The following COL4A6 variants were observed in gnomAD, a reference collection of about 807,000 sequenced individuals.
The protein encoded by COL4A6 is collagen type IV alpha 6 chain, also known as collagen alpha-6(IV) chain.
A neutral mutation model predicts 126.7 loss-of-function variants in COL4A6; 59 were observed. The observed-to-expected ratio is 0.47, with a 90% CI of 0.38 to 0.58. The LOEUF is 0.58. Among genes scored for constraint, COL4A6 ranks in the 20% least tolerant of loss-of-function variants. The pLI, the probability that COL4A6 is intolerant of heterozygous loss-of-function variation, is 0.00. For missense variants in COL4A6, 1,285 were observed against 1,337.3 expected, an observed-to-expected ratio of 0.96 and a Z score of 0.61; for synonymous variants, 547 against 496.6, an observed-to-expected ratio of 1.10 and a Z score of -1.35.
chrX:108,285,127 G>A (rs1208581760), intron 3 of COL4A6, among the ~76,000 whole-genome samples: 1 of 111,761 alleles, frequency 8.9e-6, no homozygotes, highest in African/African-American at 3.3e-5. Flanking sequence ...TGCCCAGTGG[G>A]AAATCAAATC....
At chrX:108,179,174 G>A in intron 26 of COL4A6, 43 bp downstream of exon 26, 6 of 1,125,937 alleles carry the variant, frequency 5.3e-6, no homozygotes, top group South Asian at 1.9e-5. Context: ...ATTAATATAA[G>A]GCTTTCTGTA....
chrX:108,229,395 A>G (rs776570204), intron 3 of COL4A6, among the ~76,000 whole-genome samples: 2 of 112,158 alleles, frequency 1.8e-5, no homozygotes, highest in Non-Finnish European at 3.8e-5. Context: ...CTAAGTAAGA[A>G]AATTCGAGTA....
intron 2 of COL4A6, among the ~76,000 whole-genome samples, chrX:108,364,249 A>G (rs755543799): frequency 1.8e-5 from 2 of 109,976 alleles, no homozygotes; most frequent in Non-Finnish European, 3.8e-5. Flanking sequence ...AGAACCTTTT[A>G]TCTCCTTCCA....
At chrX:108,408,412 C>T (rs2041254893) in intron 2 of COL4A6, among the ~76,000 whole-genome samples, 1 of 111,601 alleles carries the variant, frequency 9.0e-6, no homozygotes, top group Non-Finnish European at 1.9e-5. Context: ...TACCAGTCCA[C>T]ACAATTTTTT....
At chrX:108,165,909 C>G (rs917028553) in intron 37 of COL4A6, among the ~76,000 whole-genome samples, 1 of 112,743 alleles carries the variant, frequency 8.9e-6, no homozygotes, top group African/African-American at 3.2e-5. Flanking sequence ...GGTTACAGAA[C>G]GTAGGCCACA....
In COL4A6 at chrX:108,391,975, C is replaced by T. The variant is rs5973868; in HGVS notation, c.63+45967G>A. On this transcript the variant is annotated intron_variant, in intron 2 of 44. Coordinates refer to ENST00000334504, the MANE Select transcript of COL4A6 (RefSeq NM_033641.4). ...TGTTCGGCCATCTTGCCAGCTCTCC[C>T]GCCTCAGTTGATTTTTAACAAAGGT... is the stretch of plus-strand genomic sequence containing the variant. 5.0e-3 allele frequency among the ~76,000 whole-genome samples: 562 copies of T among 112,156 alleles called. 3 individuals are homozygous for T. The highest frequency in any genetic ancestry group is 0.016 in the African/African-American group (509 of 30,900).
chrX:108,157,589 C>A (rs1054879608), intron 44 of COL4A6, among the ~76,000 whole-genome samples: 1 of 111,370 alleles, frequency 9.0e-6, no homozygotes, highest in Non-Finnish European at 1.9e-5. Context: ...GTGTTAGGTA[C>A]CCCCTTGCAA....
intron 20 of COL4A6, among the ~76,000 whole-genome samples, 157 bp from the exon 21 acceptor site, chrX:108,188,834 A>T (rs2034952796): frequency 1.8e-5 from 2 of 112,228 alleles, no homozygotes; most frequent in Admixed American, 1.9e-4. Context: ...TCTCCAGCAG[A>T]GTATGTCTGT....
chrX:108,346,030 G>C (rs1366813007), intron 2 of COL4A6, among the ~76,000 whole-genome samples: 1 of 111,176 alleles, frequency 9.0e-6, no homozygotes, highest in African/African-American at 3.3e-5. Flanking sequence ...AGCAACACAA[G>C]AGGGGAAACC....
At chrX:108,188,492 A>C (rs1362057640) in intron 21 of COL4A6, 25 bp downstream of exon 21, 1 of 1,083,482 alleles carries the variant, frequency 9.2e-7, no homozygotes, top group African/African-American at 1.9e-5. Context: ...TTGCTTCCTC[A>C]GGGTCAAAGT....
intron 2 of COL4A6, among the ~76,000 whole-genome samples, chrX:108,389,432 A>T (rs1161572095): frequency 3.6e-5 from 4 of 111,223 alleles, no homozygotes; most frequent in Non-Finnish European, 7.5e-5. Flanking sequence ...TAGGATAGTT[A>T]CCTCTTCTTT....
At chrX:108,270,945 C>T (rs1236392931) in intron 3 of COL4A6, among the ~76,000 whole-genome samples, 1 of 111,764 alleles carries the variant, frequency 8.9e-6, no homozygotes, top group African/African-American at 3.3e-5. Context: ...CCTGTTCAGG[C>T]ACTTGAGAAA....
intron 31 of COL4A6, 116 bp downstream of exon 31, chrX:108,174,324 T>C (rs1358009691): frequency 2.7e-6 from 2 of 730,380 alleles, no homozygotes; most frequent in Non-Finnish European, 4.1e-6. Context: ...TCTGAGGATG[T>C]CCTGGGAGAA....
chrX:108,160,917 A>ATTGAAAATGTACT (rs1265555292), intron 42 of COL4A6, among the ~76,000 whole-genome samples: 1 of 111,949 alleles, frequency 8.9e-6, no homozygotes, highest in African/African-American at 3.3e-5. Flanking sequence ...TTCAAAGTAC[A>ATTGAAAATGTACT]TTGTTAGGCT....
chrX:108,283,180 G>A lies in COL4A6; in HGVS notation c.144+27568C>T, dbSNP rs1039537046. Among the ~76,000 whole-genome samples, 185 of 110,968 alleles carry A rather than the reference G, an allele frequency of 1.7e-3. 1 individual carries two copies. The highest frequency in any genetic ancestry group is 2.3e-3 in the Non-Finnish European group (124 of 52,848). On this transcript the variant is annotated intron_variant, in intron 3 of 44. Transcript: ENST00000334504. Reference sequence around the variant, plus strand: ...AAATAAAATAAAAAAATAAAAAAAAGAAAGGTATAGAGGCAAGAAGGGCAG... The same window carrying A: ...AAATAAAATAAAAAAATAAAAAAAAAAAAGGTATAGAGGCAAGAAGGGCAG...
chrX:108,196,121 C>T (rs971005813), intron 14 of COL4A6, among the ~76,000 whole-genome samples: 3 of 111,397 alleles, frequency 2.7e-5, no homozygotes, highest in Non-Finnish European at 5.7e-5. Flanking sequence ...TGCACTTGGC[C>T]CTCTTTCTTC....
chrX:108,273,720 T>C (rs995767254), intron 3 of COL4A6, among the ~76,000 whole-genome samples: 1 of 111,951 alleles, frequency 8.9e-6, no homozygotes, highest in African/African-American at 3.2e-5. Flanking sequence ...TTAAAAGTGT[T>C]TCTAGGTGAT....
chrX:108,315,634 G>T (rs780027350), intron 2 of COL4A6, among the ~76,000 whole-genome samples: 4 of 111,684 alleles, frequency 3.6e-5, no homozygotes, highest in South Asian at 7.6e-4. Flanking sequence ...GCTGATGCTG[G>T]TTCCTATGTC....
chrX:108,339,647 A>G (rs747644407), intron 2 of COL4A6, among the ~76,000 whole-genome samples: 2 of 111,432 alleles, frequency 1.8e-5, no homozygotes, highest in Admixed American at 1.9e-4. Context: ...ACATATTTTG[A>G]TCACAGGATT....
Sources: allele counts gnomAD v4.1 joint callset (sites outside exome capture counted in the v4.1 genomes callset), GRCh38; gene constraint gnomAD v4.1.1; transcripts MANE v1.5; gene names NCBI Gene and HGNC (gene_info 2026-07-23, HGNC 2026-07-21).